CDH13: variants seen among roughly 807,000 people sequenced by gnomAD.
The protein encoded by CDH13 is cadherin-13.
A neutral mutation model predicts 63.8 loss-of-function variants in CDH13; 24 were observed. The ratio of observed to expected loss-of-function variants is 0.38; its 90% CI spans 0.27 to 0.53. The LOEUF is 0.53. Among genes scored for constraint, CDH13 ranks in the 20% least tolerant of loss-of-function variants. CDH13 has a pLI of 0.85. For synonymous variants in CDH13, 503 were observed against 355.3 expected (o/e 1.42, Z -4.67); for missense variants, 1,049 against 903.1 (o/e 1.16, Z -2.07).
chr16:82,730,342 A>C (rs1294802258), intron 1 of CDH13, among the ~76,000 whole-genome samples: 2 of 152,122 alleles, frequency 1.3e-5, no homozygotes, highest in African/African-American at 4.8e-5. Context: ...TTTAGAGACC[A>C]TTGTAGGGTT....
intron 5 of CDH13, among the ~76,000 whole-genome samples, chr16:83,223,728 C>G (rs1246571489): frequency 6.6e-6 from 1 of 152,222 alleles, no homozygotes; most frequent in Non-Finnish European, 1.5e-5. Flanking sequence ...TGCAAGAGAG[C>G]TGGGTCAACA....
At chr16:83,724,794 C>T (rs904934372) in intron 10 of CDH13, among the ~76,000 whole-genome samples, 3 of 152,182 alleles carry the variant, frequency 2.0e-5, no homozygotes, top group Non-Finnish European at 2.9e-5. Context: ...GGGACACAAC[C>T]AGCTGGGTGA....
chr16:83,278,776 C>T (rs570200851), intron 5 of CDH13, among the ~76,000 whole-genome samples: 3 of 152,248 alleles, frequency 2.0e-5, no homozygotes, highest in South Asian at 4.2e-4. Flanking sequence ...GCATCTGATT[C>T]GCATTCTGTG....
rs561972074 is a variant in CDH13 at position 83,218,664 on chromosome 16, C to G, written c.636+1167C>G. ...GGGAGTCTCCAAGAAAGTTCTGGCA[C>G]AAAAAACTAAGGAAAGATACAATAA... On this transcript the variant is annotated intron_variant, in intron 5 of 13. Coordinates refer to ENST00000567109, the MANE Select transcript of CDH13 (RefSeq NM_001257.5). Among the ~76,000 whole-genome samples the G allele has an allele frequency of 1.8e-4, 28 of 152,150 alleles. No individual in the cohort carries two copies. In the South Asian group the frequency reaches 4.2e-3, roughly 23 times the overall value.
In CDH13 at chr16:83,520,334, G is replaced by A. The variant is rs200549224; in HGVS notation, c.960+33679G>A. The stretch of plus-strand genomic sequence containing the variant: ...AGAAAAAACAAAAAGGATTTATGGT[G>A]ATAGAGATCAGAATAGTGACTACCT... On this transcript the variant is annotated intron_variant, in intron 7 of 13. Coordinates refer to ENST00000567109, the MANE Select transcript of CDH13 (RefSeq NM_001257.5). 6.6e-5 allele frequency among the ~76,000 whole-genome samples: 10 copies of A among 152,170 alleles called. No individual in the cohort carries two copies. In the East Asian group the frequency reaches 1.7e-3, roughly 26 times the overall value.
intron 6 of CDH13, among the ~76,000 whole-genome samples, chr16:83,454,940 C>A (rs1455299266): frequency 6.6e-6 from 1 of 152,094 alleles, no homozygotes; most frequent in Non-Finnish European, 1.5e-5. Flanking sequence ...GAACTCCTGA[C>A]CTCAAGTGAT....
At chr16:83,723,508 A>G (rs993944911) in intron 10 of CDH13, among the ~76,000 whole-genome samples, 1 of 152,092 alleles carries the variant, frequency 6.6e-6, no homozygotes, top group African/African-American at 2.4e-5. Context: ...CCAGGCCTTC[A>G]TGTGACTGTC....
chr16:83,090,108 A>C (rs771219587), intron 3 of CDH13, among the ~76,000 whole-genome samples: 1 of 152,022 alleles, frequency 6.6e-6, no homozygotes, highest in Non-Finnish European at 1.5e-5. Flanking sequence ...CTGGTCGTCA[A>C]CCCCACCCAC....
At chr16:83,559,359 G>A (rs1348083665) in intron 7 of CDH13, among the ~76,000 whole-genome samples, 1 of 152,104 alleles carries the variant, frequency 6.6e-6, no homozygotes, top group Non-Finnish European at 1.5e-5. Context: ...ATCACCTGAG[G>A]TTGTGAGTTC....
intron 4 of CDH13, among the ~76,000 whole-genome samples, chr16:83,209,145 A>G (rs554051998): frequency 1.1e-3 from 161 of 152,296 alleles, no homozygotes; most frequent in African/African-American, 3.8e-3. Context: ...CAGTGGTGGC[A>G]GGCTGAACAG....
intron 3 of CDH13, among the ~76,000 whole-genome samples, chr16:83,081,949 C>T (rs550902022): frequency 2.0e-5 from 3 of 152,066 alleles, no homozygotes; most frequent in East Asian, 1.9e-4. Flanking sequence ...TACAGGCATG[C>T]GCCACCACGC....
At chr16:83,601,089 A>C (rs7204178) in intron 7 of CDH13, among the ~76,000 whole-genome samples, 1 of 152,006 alleles carries the variant, frequency 6.6e-6, no homozygotes, top group Admixed American at 6.5e-5. Flanking sequence ...AATAAGATGC[A>C]CTGACTGACT....
chr16:83,010,082 C>T (rs1261724702), intron 2 of CDH13, among the ~76,000 whole-genome samples: 2 of 137,540 alleles, frequency 1.5e-5, no homozygotes, highest in Admixed American at 8.1e-5. Flanking sequence ...TTGCAGTGAG[C>T]TGAGATCACA....
At chr16:83,601,653 T>C (rs184144412) in intron 7 of CDH13, among the ~76,000 whole-genome samples, 1 of 152,250 alleles carries the variant, frequency 6.6e-6, no homozygotes, top group African/African-American at 2.4e-5. Flanking sequence ...TAAAGTGAGG[T>C]AATGCAATGC....
intron 6 of CDH13, among the ~76,000 whole-genome samples, chr16:83,477,961 C>T (rs2073649183): frequency 6.6e-6 from 1 of 152,050 alleles, no homozygotes. Flanking sequence ...TCGGGTGGAT[C>T]ACGAGGTCAG....
intron 1 of CDH13, among the ~76,000 whole-genome samples, chr16:82,795,329 G>T (rs1277693357): frequency 6.6e-6 from 1 of 152,180 alleles, no homozygotes; most frequent in African/African-American, 2.4e-5. Context: ...AGTTAATACA[G>T]AGACCACATT....
At chr16:83,659,218 A>G (rs868684311) in intron 8 of CDH13, among the ~76,000 whole-genome samples, 12 of 121,182 alleles carry the variant, frequency 9.9e-5, no homozygotes, top group African/African-American at 1.9e-4. Context: ...CAGGTCCCAT[A>G]TCCTCACCAG....
chr16:83,180,511 C>G (rs1187554254), intron 4 of CDH13, among the ~76,000 whole-genome samples: 1 of 152,132 alleles, frequency 6.6e-6, no homozygotes, highest in Non-Finnish European at 1.5e-5. Flanking sequence ...TTGGTGGTAG[C>G]TAACTGAAAT....
At chr16:83,078,406 AT>A (rs1338631134) in intron 3 of CDH13, among the ~76,000 whole-genome samples, 3 of 152,202 alleles carry the variant, frequency 2.0e-5, no homozygotes, top group Admixed American at 2.0e-4. Context: ...TTAGATTCTC[AT>A]AAGGAACGTG....
Sources: allele counts gnomAD v4.1 joint callset (sites outside exome capture counted in the v4.1 genomes callset), GRCh38; gene constraint gnomAD v4.1.1; transcripts MANE v1.5; gene names NCBI Gene and HGNC (gene_info 2026-07-23, HGNC 2026-07-21).